Variants in STARD9 observed in about 807,000 individuals in gnomAD.
STARD9 encodes the protein StAR related lipid transfer domain containing 9, also known as stAR-related lipid transfer protein 9.
In STARD9, 346 loss-of-function variants were observed where a neutral mutation model predicts 399.8. The ratio of observed to expected loss-of-function variants is 0.87; its 90% CI spans 0.79 to 0.95. STARD9 has a LOEUF of 0.95. Ranked by LOEUF, STARD9 falls within the 40% of genes least tolerant of loss-of-function variation. STARD9 has a pLI of 0.00. For synonymous variants in STARD9, 2,203 were observed against 2,143.5 expected (o/e 1.03, Z -0.77); for missense variants, 5,832 against 5,667.5 (o/e 1.03, Z -0.93).
intron 9 of STARD9, among the ~76,000 whole-genome samples, chr15:42,659,347 T>G (rs1051518612): frequency 2.0e-5 from 3 of 152,160 alleles, no homozygotes; most frequent in African/African-American, 7.2e-5. Context: ...CCTTGTTCAT[T>G]AGGGAAATAC....
rs182782647 is a variant in STARD9, at chr15:42,717,664, A to G, written c.13495-67A>G. On this transcript the variant is annotated intron_variant, in intron 28 of 32. Transcript: ENST00000290607. ...GGGGAATTTAGCAGATGCAGGCCAG[A>G]CTGACTAACCCAGGGGCTTAGTTTT... is the stretch of plus-strand genomic sequence containing the variant. 22 of 1,390,844 alleles carry G rather than the reference A, an allele frequency of 1.6e-5. No individual in the cohort carries two copies. The South Asian group carries it at 2.0e-4, about 12-fold the overall frequency. 86.2% of individuals were successfully genotyped at this position (1,390,844 alleles called of 1,614,324 possible).
At chr15:42,632,607 A>T (rs1022876748) in intron 3 of STARD9, among the ~76,000 whole-genome samples, 1 of 151,274 alleles carries the variant, frequency 6.6e-6, no homozygotes, top group Admixed American at 6.6e-5. Context: ...AGGTTTTTTG[A>T]TTTGAGGTTA....
intron 3 of STARD9, among the ~76,000 whole-genome samples, chr15:42,601,570 C>T (rs545539486): frequency 3.6e-4 from 53 of 146,972 alleles, no homozygotes; most frequent in Admixed American, 1.4e-3. Flanking sequence ...GCTGGCTGGG[C>T]GGGGGCTGCC....
chr15:42,598,000 ATGTGTGTGTGTGTG>A (rs572054615), intron 3 of STARD9, among the ~76,000 whole-genome samples: 12 of 115,108 alleles, frequency 1.0e-4, no homozygotes, highest in Admixed American at 5.8e-4. Flanking sequence ...GTATATATAT[ATGTGTGTGTGTGTG>A]TGTGTGTGTG....
In STARD9 at chr15:42,657,659, C is replaced by T. The variant is rs1595718488; in HGVS notation, c.703-3499C>T. ...ACTATGTGACCTGACATTTTCAGAACACTTCATCCAACATCACAGAATACA... is the reference window on the plus strand; with the variant it reads ...ACTATGTGACCTGACATTTTCAGAATACTTCATCCAACATCACAGAATACA... On this transcript the variant is annotated intron_variant, in intron 9 of 32. Transcript: ENST00000290607. Among the ~76,000 whole-genome samples, 4 of 152,208 alleles carry T rather than the reference C, an allele frequency of 2.6e-5. No homozygotes were observed. The East Asian group carries it at 7.7e-4, about 29-fold the overall frequency.
rs192461105 is a variant in STARD9, at chr15:42,638,729, G to A, written c.476G>A (p.Arg159Gln). 3.1e-5 allele frequency: 48 copies of A among 1,536,116 alleles called. No individual in the cohort carries two copies. The highest frequency in any genetic ancestry group is 1.7e-4 in the Middle Eastern group (1 of 5,986). The change falls in exon 7 of 33, where the codon CGG (arginine) becomes CAG (glutamine). Residue 159 changes from arginine (R) to glutamine (Q), a missense_variant. Physicochemically the swap from Arg to Gln is conservative, Grantham distance 43. This residue lies in a region of STARD9 where 5,828 missense variants were observed against 5,651.1 expected (regional missense o/e 1.03). Coordinates refer to ENST00000290607, the MANE Select transcript of STARD9 (RefSeq NM_020759.3). ...SFLEIYNERV[R>Q]DLLKQSGQKK... ...CTAGAAATCTATAATGAACGGGTGCGGGATCTGTTGAAGCAATCTGGTCAA... is the reference window on the plus strand; with the variant it reads ...CTAGAAATCTATAATGAACGGGTGCAGGATCTGTTGAAGCAATCTGGTCAA...
intron 3 of STARD9, among the ~76,000 whole-genome samples, chr15:42,617,216 T>A (rs770262824): frequency 6.6e-6 from 1 of 152,188 alleles, no homozygotes; most frequent in Non-Finnish European, 1.5e-5. Flanking sequence ...TTCACATAAT[T>A]TTATTAGAGT....
At position 42,685,619 on chromosome 15, in the gene STARD9, CA is replaced by C; in HGVS notation, c.4042del (p.Ser1348AlafsTer6). The C allele has an allele frequency of 3.9e-6, 6 of 1,537,424 alleles. No individual in the cohort carries two copies. Among genetic ancestry groups the C allele is most frequent in the Non-Finnish European group, 5.2e-6 (6 of 1,146,952 alleles). The stretch of plus-strand genomic sequence containing the variant: ...TTTCCTGTGACTCTAAGATCAACCC[CA>C]GCAGCCCCCCAGGAATAGTGGGTTC... The part of the protein sequence containing the change: ...WFSCDSKINP[S>X]SPPGIVGSLC... On this transcript the variant is annotated frameshift_variant, in exon 23 of 33. Transcript: ENST00000290607. LOFTEE classifies it high-confidence loss of function.
chr15:42,705,714 T>A (rs1004944650), intron 26 of STARD9, among the ~76,000 whole-genome samples: 1 of 152,136 alleles, frequency 6.6e-6, no homozygotes. Flanking sequence ...GTGCTGGGAT[T>A]ACAGGCATGA....
intron 26 of STARD9, among the ~76,000 whole-genome samples, chr15:42,713,934 G>C (rs936339507): frequency 6.6e-6 from 1 of 152,062 alleles, no homozygotes; most frequent in Non-Finnish European, 1.5e-5. Context: ...ATTTTTGGAA[G>C]AATCTGGGAA....
intron 26 of STARD9, 78 bp downstream of exon 26, chr15:42,695,958 T>G (rs1350961790): frequency 1.4e-5 from 20 of 1,447,428 alleles, no homozygotes; most frequent in Non-Finnish European, 1.8e-5. Flanking sequence ...CTGTGCCTCC[T>G]GGAGTTTGGG....
In STARD9 at chr15:42,684,857, A is replaced by C; in HGVS notation, c.3279A>C (p.Ser1093=). Reference sequence around the variant, plus strand: ...ATTTCAGCCCAGTAATGGATCATTCAAGAGAAAAAGACAATGATTTATCTG... The same window carrying C: ...ATTTCAGCCCAGTAATGGATCATTCCAGAGAAAAAGACAATGATTTATCTG... ...LTDFSPVMDH[S]REKDNDLSDT... The change falls in exon 23 of 33, where the codon TCA becomes TCC. Residue 1093 remains serine (S), a synonymous_variant. Coordinates refer to ENST00000290607, the MANE Select transcript of STARD9 (RefSeq NM_020759.3). 6.5e-7 allele frequency: 1 copy of C among 1,537,178 alleles called. No individual in the cohort carries two copies. The highest frequency in any genetic ancestry group is 8.7e-7 in the Non-Finnish European group (1 of 1,146,914).
intron 1 of STARD9, among the ~76,000 whole-genome samples, chr15:42,582,682 G>C (rs1365206528): frequency 2.6e-5 from 4 of 152,162 alleles, no homozygotes; most frequent in Non-Finnish European, 1.5e-5. Flanking sequence ...CTGGGCCAAG[G>C]ATGCTCTCTA....
chr15:42,719,406 G>A, intron 32 of STARD9, 67 bp from the exon 33 acceptor site: 1 of 1,043,294 alleles, frequency 9.6e-7, no homozygotes, highest in Non-Finnish European at 1.4e-6. Context: ...GACTCCATGG[G>A]ACTGGAGTAC....
intron 20 of STARD9, among the ~76,000 whole-genome samples, chr15:42,679,942 G>A (rs146206454): frequency 1.3e-5 from 2 of 152,314 alleles, no homozygotes; most frequent in African/African-American, 4.8e-5. Context: ...CATACTGCCT[G>A]AGATATAGTT....
At position 42,638,799 on chromosome 15, in the gene STARD9, G is replaced by A; in HGVS notation, c.546G>A (p.Gly182=). 1.3e-6 allele frequency: 2 copies of A among 1,533,848 alleles called. No individual in the cohort carries two copies. The highest frequency in any genetic ancestry group is 2.4e-5 in the South Asian group (2 of 83,624). The change falls in exon 7 of 33, where the codon GGG becomes GGA. Residue 182 remains glycine (G), a synonymous_variant. Transcript: ENST00000290607. The part of the protein sequence containing the change: ...TLRVREHPEM[G]PYVQGLSQHV... Reference sequence around the variant, plus strand: ...GGGTCAGGGAGCATCCAGAGATGGGGCCCTATGTACAAGGTGAGCTACTGT... The same window carrying A: ...GGGTCAGGGAGCATCCAGAGATGGGACCCTATGTACAAGGTGAGCTACTGT...
At chr15:42,649,244 G>A (rs1356450854) in intron 7 of STARD9, among the ~76,000 whole-genome samples, 1 of 151,964 alleles carries the variant, frequency 6.6e-6, no homozygotes, top group Non-Finnish European at 1.5e-5. Context: ...TGGTCAGGCT[G>A]GTCTTGAACT....
chr15:42,718,942 A>G (rs751880859), intron 32 of STARD9, 32 bp downstream of exon 32: 27 of 1,532,762 alleles, frequency 1.8e-5, no homozygotes, highest in South Asian at 3.6e-5. Context: ...GCCTCACAGC[A>G]CAGGCTGACT....
rs1566940754 is a variant in STARD9, at chr15:42,688,474, T to G, written c.6896T>G (p.Leu2299Arg). Residue 2299 changes from leucine (L) to arginine (R), a missense_variant, in exon 23 of 33, where the codon CTC (leucine) becomes CGC (arginine). By Grantham distance (102) the Leu-to-Arg change is moderately radical. Transcript: ENST00000290607. Reference protein sequence around the residue: ...ENKVTQKFPSLSQLCRDTFFR... With the variant: ...ENKVTQKFPSRSQLCRDTFFR... ...AAAGTGACTCAGAAATTTCCTAGTC[T>G]CAGCCAGCTTTGTAGGGACACGTTT... 11 of 1,537,892 alleles carry G rather than the reference T, an allele frequency of 7.2e-6. No homozygotes were observed. Among genetic ancestry groups the G allele is most frequent in the Non-Finnish European group, 8.7e-6 (10 of 1,147,058 alleles).
Sources: allele counts gnomAD v4.1 joint callset (sites outside exome capture counted in the v4.1 genomes callset), GRCh38; gene constraint gnomAD v4.1.1; regional missense constraint gnomAD v4.1.1; transcripts MANE v1.5; gene names NCBI Gene and HGNC (gene_info 2026-07-23, HGNC 2026-07-21).